The following CHCHD3 variants were observed in gnomAD, a reference collection of about 807,000 sequenced individuals.
CHCHD3 encodes the protein coiled-coil-helix-coiled-coil-helix domain containing 3.
Under a neutral mutation model 38.2 loss-of-function variants are expected in CHCHD3, and 20 were observed. That is an observed-to-expected ratio of 0.52 (90% CI 0.37 to 0.76). The LOEUF is 0.76. Ranked by LOEUF, CHCHD3 falls within the 30% of genes least tolerant of loss-of-function variation. The pLI is 0.00. For missense variants in CHCHD3, 245 were observed against 279.2 expected, an observed-to-expected ratio of 0.88 and a Z score of 0.87; for synonymous variants, 82 against 100.0, an observed-to-expected ratio of 0.82 and a Z score of 1.07.
intron 6 of CHCHD3, among the ~76,000 whole-genome samples, chr7:132,828,310 T>G (rs1299511419): frequency 2.0e-5 from 3 of 152,180 alleles, no homozygotes; most frequent in Non-Finnish European, 4.4e-5. Context: ...TTTTTGCCAT[T>G]CCTATGTTTT....
chr7:132,934,460 T>A (rs1810588671), intron 4 of CHCHD3, among the ~76,000 whole-genome samples: 1 of 152,198 alleles, frequency 6.6e-6, no homozygotes, highest in Non-Finnish European at 1.5e-5. Flanking sequence ...TTCTCTATCA[T>A]CTGACCCCAC....
intron 2 of CHCHD3, among the ~76,000 whole-genome samples, chr7:133,038,982 G>C (rs146581344): frequency 1.3e-5 from 2 of 152,130 alleles, no homozygotes; most frequent in African/African-American, 4.8e-5. Flanking sequence ...AATAGTCCTT[G>C]CTTGCTGTTT....
At chr7:133,031,790 AAGC>A (rs1813511852) in intron 2 of CHCHD3, among the ~76,000 whole-genome samples, 2 of 152,212 alleles carry the variant, frequency 1.3e-5, no homozygotes, top group Admixed American at 1.3e-4. Flanking sequence ...TGCATAATAT[AAGC>A]AGCAGATTTC....
chr7:132,822,820 AAAAAC>A (rs367839827), intron 6 of CHCHD3, among the ~76,000 whole-genome samples: 10,496 of 150,642 alleles, frequency 0.07, 495 homozygotes, highest in Admixed American at 0.099. Flanking sequence ...GCCCCCCACC[AAAAAC>A]AAAACAAAAC....
intron 3 of CHCHD3, among the ~76,000 whole-genome samples, chr7:132,997,361 T>C (rs1406226308): frequency 1.3e-5 from 2 of 152,100 alleles, no homozygotes; most frequent in African/African-American, 4.8e-5. Context: ...TAAGTTCTAA[T>C]CCATTGTGTC....
intron 3 of CHCHD3, among the ~76,000 whole-genome samples, chr7:133,002,655 A>G (rs989292850): frequency 7.2e-5 from 11 of 152,246 alleles, no homozygotes; most frequent in African/African-American, 2.2e-4. Context: ...TCAATTTGTA[A>G]TTCATTTTTA....
intron 5 of CHCHD3, among the ~76,000 whole-genome samples, chr7:132,873,935 C>T (rs1293990919): frequency 2.6e-5 from 4 of 152,150 alleles, no homozygotes; most frequent in Non-Finnish European, 5.9e-5. Context: ...CAGAAGTTAG[C>T]ATGACTGGAG....
At chr7:133,038,216 T>C (rs544661113) in intron 2 of CHCHD3, among the ~76,000 whole-genome samples, 19 of 152,292 alleles carry the variant, frequency 1.2e-4, no homozygotes, top group African/African-American at 4.1e-4. Flanking sequence ...ATTATAAGAC[T>C]ATGTGTTCTT....
chr7:132,910,861 C>A (rs1809930439), intron 4 of CHCHD3, among the ~76,000 whole-genome samples: 1 of 152,226 alleles, frequency 6.6e-6, no homozygotes, highest in African/African-American at 2.4e-5. Flanking sequence ...TTTCCCAACA[C>A]AGCTCACTAC....
intron 4 of CHCHD3, among the ~76,000 whole-genome samples, chr7:132,898,380 C>T (rs544820044): frequency 8.2e-4 from 125 of 152,326 alleles, no homozygotes; most frequent in African/African-American, 2.7e-3. Context: ...AGATTCTCCA[C>T]GTCCCCATCA....
At chr7:132,919,235 A>G (rs576410286) in intron 4 of CHCHD3, among the ~76,000 whole-genome samples, 2 of 148,870 alleles carry the variant, frequency 1.3e-5, no homozygotes, top group South Asian at 2.1e-4. Context: ...CAGCTTCCCA[A>G]GTAGCTGGGA....
chr7:133,007,311 A>T (rs1226314087), intron 3 of CHCHD3, among the ~76,000 whole-genome samples: 1 of 152,196 alleles, frequency 6.6e-6, no homozygotes, highest in Non-Finnish European at 1.5e-5. Context: ...GATTGTGCCC[A>T]TGTCTTTAGT....
chr7:133,009,904 C>T (rs1812815947), intron 3 of CHCHD3, among the ~76,000 whole-genome samples: 1 of 152,176 alleles, frequency 6.6e-6, no homozygotes, highest in Non-Finnish European at 1.5e-5. Context: ...CAAGTTTCCA[C>T]TTTTAGACAA....
chr7:132,838,149 T>C (rs1336064473), intron 6 of CHCHD3, among the ~76,000 whole-genome samples: 1 of 152,182 alleles, frequency 6.6e-6, no homozygotes, highest in Non-Finnish European at 1.5e-5. Flanking sequence ...ATAATACTAT[T>C]ACCATTGCTT....
intron 5 of CHCHD3, among the ~76,000 whole-genome samples, chr7:132,877,999 C>T (rs926797166): frequency 3.3e-5 from 5 of 152,096 alleles, no homozygotes; most frequent in African/African-American, 1.2e-4. Context: ...TTAGAAAGCA[C>T]GTCGCAGGGG....
At chr7:133,017,705 G>T (rs1040056865) in intron 3 of CHCHD3, among the ~76,000 whole-genome samples, 1 of 152,158 alleles carries the variant, frequency 6.6e-6, no homozygotes, top group Admixed American at 6.5e-5. Context: ...TTCCAGGTTT[G>T]ATATTAACAT....
chr7:132,999,305 A>G (rs1005310238), intron 3 of CHCHD3, among the ~76,000 whole-genome samples: 4 of 152,186 alleles, frequency 2.6e-5, no homozygotes, highest in Non-Finnish European at 5.9e-5. Flanking sequence ...GTTTTCTCAC[A>G]TGAAGATGGT....
intron 2 of CHCHD3, among the ~76,000 whole-genome samples, chr7:133,027,383 GAGAA>G (rs1458192521): frequency 3.2e-5 from 4 of 126,746 alleles, no homozygotes; most frequent in African/African-American, 1.2e-4. Flanking sequence ...GAGAGAGAGA[GAGAA>G]AGAGAGAGAG....
chr7:133,048,004 G>A (rs1174175196), intron 2 of CHCHD3, among the ~76,000 whole-genome samples: 1 of 152,150 alleles, frequency 6.6e-6, no homozygotes. Context: ...CAGGAGAATC[G>A]CTTGAATGCG....
Sources: allele counts gnomAD v4.1 joint callset (sites outside exome capture counted in the v4.1 genomes callset), GRCh38; gene constraint gnomAD v4.1.1; transcripts MANE v1.5; gene names NCBI Gene and HGNC (gene_info 2026-07-23, HGNC 2026-07-21).